The following BRPF3 variants were observed in gnomAD, a reference collection of about 807,000 sequenced individuals.
BRPF3 encodes bromodomain and PHD finger containing 3, also known as bromodomain and PHD finger-containing protein 3.
A neutral mutation model predicts 102.0 loss-of-function variants in BRPF3; 18 were observed. The observed-to-expected ratio is 0.18, with a 90% confidence interval of 0.12 to 0.26. The LOEUF (loss-of-function observed/expected upper bound fraction) is 0.26. Among genes scored for constraint, BRPF3 ranks in the 10% least tolerant of loss-of-function variants. The pLI is 1.00. For synonymous variants in BRPF3, 570 were observed against 614.2 expected (o/e 0.93, Z 1.06); for missense variants, 1,147 against 1,567.8 (o/e 0.73, Z 4.53).
Position 36,229,134 on chromosome 6 carries a change from C to T in BRPF3, c.3434+78C>T, listed in dbSNP as rs570793041. The T allele has an allele frequency of 5.9e-6, 9 of 1,532,856 alleles. No homozygotes were observed. The South Asian group carries it at 1.1e-4, about 18-fold the overall frequency. 95.0% of individuals were successfully genotyped at this position (1,532,856 alleles called of 1,614,324 possible). A position where few individuals can be genotyped will look rare whatever the true frequency, so the allele number is the denominator to read the frequency against. On this transcript the variant is annotated intron_variant, in intron 12 of 12. Transcript: ENST00000357641. Reference sequence around the variant, plus strand: ...AGTGGTGCTGTGCTAGTGAGGTGTACAGAGGGGCCATGGATGTTACCAGTT... The same window carrying T: ...AGTGGTGCTGTGCTAGTGAGGTGTATAGAGGGGCCATGGATGTTACCAGTT...
At chr6:36,213,653 T>A (rs559037682) in intron 7 of BRPF3, among the ~76,000 whole-genome samples, 143 of 151,210 alleles carry the variant, frequency 9.5e-4, no homozygotes, top group Non-Finnish European at 1.1e-3. Flanking sequence ...CAGTGAGCTG[T>A]GATCAGACCA....
At position 36,207,568 on chromosome 6, in the gene BRPF3, G is replaced by A. The variant is rs549340978; in HGVS notation, c.1737+124G>A. 15 of 1,303,008 alleles carry A rather than the reference G, an allele frequency of 1.2e-5. No homozygotes were observed. The African/African-American group carries it at 1.9e-4, about 17-fold the overall frequency. The allele number at this position is 1,303,008 out of a possible 1,614,324, so 80.7% of individuals were successfully genotyped here. A position where few individuals can be genotyped will look rare whatever the true frequency, so the allele number is the denominator to read the frequency against. On this transcript the variant is annotated intron_variant, in intron 4 of 12. Transcript: ENST00000357641. Reference sequence around the variant, plus strand: ...GGTTTCTTTCTCCCCTCCCTACCCAGGATTGTAGGCTCCAAGATCTGCCTA... The same window carrying A: ...GGTTTCTTTCTCCCCTCCCTACCCAAGATTGTAGGCTCCAAGATCTGCCTA...
chr6:36,219,966 A>C, intron 9 of BRPF3, among the ~76,000 whole-genome samples: 1 of 152,244 alleles, frequency 6.6e-6, no homozygotes, highest in Non-Finnish European at 1.5e-5. Flanking sequence ...AATATTGATA[A>C]CTGAACACCT....
At chr6:36,198,139 G>A (rs1367216822) in intron 1 of BRPF3, among the ~76,000 whole-genome samples, 1 of 152,192 alleles carries the variant, frequency 6.6e-6, no homozygotes, top group South Asian at 2.1e-4. Flanking sequence ...GGACAGAATT[G>A]CTGCGATGAT....
In BRPF3 at chr6:36,201,053, A is replaced by G; in HGVS notation, c.731A>G (p.Tyr244Cys). The G allele has an allele frequency of 1.2e-6, 2 of 1,614,028 alleles. No homozygotes were observed. Among genetic ancestry groups the G allele is most frequent in the Non-Finnish European group, 1.7e-6 (2 of 1,179,992 alleles). Residue 244 changes from tyrosine to cysteine, a missense_variant, in exon 2 of 13, where the codon TAT (tyrosine) becomes TGT (cysteine). Tyr to Cys is a radical substitution (Grantham distance 194). This residue lies in a region of BRPF3 where 221 missense variants were observed against 337.1 expected (regional missense o/e 0.66). Coordinates refer to ENST00000357641, the MANE Select transcript of BRPF3 (RefSeq NM_015695.3). The surrounding 1 kb of genome is among the most constrained non-coding windows in gnomAD (Gnocchi z 5.1). ...ICNLAVHQEC[Y>C]GVPYIPEGQW... is the part of the protein sequence containing the mutation. Reference sequence around the variant, plus strand: ...AACCTGGCTGTACACCAGGAGTGCTATGGCGTCCCATACATCCCTGAGGGC... The same window carrying G: ...AACCTGGCTGTACACCAGGAGTGCTGTGGCGTCCCATACATCCCTGAGGGC...
At chr6:36,229,120 G>C in intron 12 of BRPF3, 64 bp downstream of exon 12, 1 of 1,571,848 alleles carries the variant, frequency 6.4e-7, no homozygotes, top group South Asian at 1.1e-5. Flanking sequence ...GTGGTGCTGT[G>C]CTAGTGAGGT....
In BRPF3 at chr6:36,211,247, C is replaced by T; in HGVS notation, c.2180-11C>T. The T allele has an allele frequency of 6.2e-7, 1 of 1,610,514 alleles. No individual in the cohort carries two copies. Among genetic ancestry groups the T allele is most frequent in the Non-Finnish European group, 8.5e-7 (1 of 1,177,646 alleles). On this transcript the variant is annotated splice_polypyrimidine_tract_variant and intron_variant, in intron 6 of 12. Coordinates refer to ENST00000357641, the MANE Select transcript of BRPF3 (RefSeq NM_015695.3). Reference sequence around the variant, plus strand: ...CCTTCAGCCCCTTCTGTCCTCCCTTCTCCCTGGCAGTGGACAACATCCTCA... The same window carrying T: ...CCTTCAGCCCCTTCTGTCCTCCCTTTTCCCTGGCAGTGGACAACATCCTCA...
chr6:36,229,724 A>C (rs532897820), intron 12 of BRPF3, among the ~76,000 whole-genome samples: 1 of 152,356 alleles, frequency 6.6e-6, no homozygotes, highest in South Asian at 2.1e-4. Context: ...AGGGAGAACT[A>C]GCTAATAAAA....
intron 9 of BRPF3, among the ~76,000 whole-genome samples, chr6:36,218,856 G>A (rs112834956): frequency 6.6e-6 from 1 of 152,150 alleles, no homozygotes; most frequent in South Asian, 2.1e-4. Flanking sequence ...TCTGAAGGGA[G>A]GATTTCTCAG....
At chr6:36,208,982 G>A (rs958454475) in intron 4 of BRPF3, among the ~76,000 whole-genome samples, 1 of 152,200 alleles carries the variant, frequency 6.6e-6, no homozygotes, top group African/African-American at 2.4e-5. Context: ...CAGTATCTCA[G>A]CACACTGGGA....
At chr6:36,199,534 G>A (rs1376872490) in intron 1 of BRPF3, among the ~76,000 whole-genome samples, 3 of 152,224 alleles carry the variant, frequency 2.0e-5, no homozygotes, top group African/African-American at 7.2e-5. Flanking sequence ...GGGTCAAGGA[G>A]TAGGGTTTCT....
chr6:36,211,166 G>C, intron 6 of BRPF3, 92 bp from the exon 7 acceptor site: 2 of 1,392,870 alleles, frequency 1.4e-6, no homozygotes, highest in Non-Finnish European at 2.0e-6. Flanking sequence ...CATTCCAAGA[G>C]AGAGTTTTGC....
intron 8 of BRPF3, among the ~76,000 whole-genome samples, chr6:36,217,528 A>T (rs1341088336): frequency 1.3e-5 from 2 of 152,202 alleles, no homozygotes; most frequent in Non-Finnish European, 2.9e-5. Flanking sequence ...TGAAAAAGGC[A>T]GAGAAGGCTA....
chr6:36,211,106 G>A, intron 6 of BRPF3, 152 bp from the exon 7 acceptor site: 2 of 845,860 alleles, frequency 2.4e-6, no homozygotes, highest in Admixed American at 5.2e-5. Flanking sequence ...GGGCAGTGGT[G>A]TTGCAGGGCC....
At chr6:36,205,878 G>A (rs1368079584) in intron 3 of BRPF3, among the ~76,000 whole-genome samples, 1 of 152,086 alleles carries the variant, frequency 6.6e-6, no homozygotes, top group South Asian at 2.1e-4. Context: ...GTTTCCATGT[G>A]GATGTTGTTA....
intron 10 of BRPF3, among the ~76,000 whole-genome samples, chr6:36,223,551 A>G (rs1215360201): frequency 3.9e-5 from 6 of 152,218 alleles, no homozygotes; most frequent in African/African-American, 1.4e-4. Context: ...TGTTTATTTC[A>G]GGCACATTTT....
chr6:36,222,127 A>T, intron 9 of BRPF3, 41 bp from the exon 10 acceptor site: 1 of 1,542,694 alleles, frequency 6.5e-7, no homozygotes. Context: ...TTAGTCATTG[A>T]AATTGCTCAT....
In BRPF3 at chr6:36,201,542, C is replaced by A; in HGVS notation, c.1220C>A (p.Thr407Asn). 1 of 1,614,042 alleles carries A rather than the reference C, an allele frequency of 6.2e-7. No homozygotes were observed. The change falls in exon 2 of 13, where the codon ACT becomes AAT. Residue 407 changes from threonine (T) to asparagine (N), a missense_variant. By Grantham distance (65) the Thr-to-Asn change is moderately conservative. Coordinates refer to ENST00000357641, the MANE Select transcript of BRPF3 (RefSeq NM_015695.3). The surrounding 1 kb of genome is among the most constrained non-coding windows in gnomAD (Gnocchi z 5.1). Reference protein sequence around the residue: ...KGDSPRSISETGDEEGLKEGD... With the variant: ...KGDSPRSISENGDEEGLKEGD... ...GACTCCCCTAGAAGCATCAGTGAGACTGGCGATGAGGAAGGGCTGAAGGAG... is the reference window on the plus strand; with the variant it reads ...GACTCCCCTAGAAGCATCAGTGAGAATGGCGATGAGGAAGGGCTGAAGGAG...
At position 36,210,603 on chromosome 6, in the gene BRPF3, C is replaced by A; in HGVS notation, c.2179+75C>A. ...GAACAGAGTCTACAGAGTGAGGGAT[C>A]AGGGTGGTCCTTGGGGCTATAGGTA... is the stretch of plus-strand genomic sequence containing the variant. On this transcript the variant is annotated intron_variant, in intron 6 of 12. Transcript: ENST00000357641. The surrounding 1 kb of genome is among the most constrained non-coding windows in gnomAD (Gnocchi z 4.7). 1 of 1,420,540 alleles carries A rather than the reference C, an allele frequency of 7.0e-7. No homozygotes were observed. The highest frequency in any genetic ancestry group is 9.4e-7 in the Non-Finnish European group (1 of 1,059,086). The allele number at this position is 1,420,540 out of a possible 1,614,324, so 88.0% of individuals were successfully genotyped here.
Sources: gnomAD v4.1 joint callset for allele counts (sites outside exome capture counted in the v4.1 genomes callset) on GRCh38, gnomAD v4.1.1 for gene constraint, gnomAD v4.1.1 regional missense constraint, Gnocchi (gnomAD v3.1) non-coding constraint, MANE v1.5 for transcripts, NCBI Gene and HGNC (gene_info 2026-07-23, HGNC 2026-07-21) for gene names.